CD38: variants seen among roughly 807,000 people sequenced by gnomAD.
The protein encoded by CD38 is CD38 molecule.
A neutral mutation model predicts 36.3 loss-of-function variants in CD38; 31 were observed. The observed-to-expected ratio is 0.85, with a 90% confidence interval of 0.64 to 1.15. The LOEUF is 1.15. Among genes scored for constraint, CD38 ranks in the 50% most tolerant of loss-of-function variants. CD38 has a pLI of 0.00. For synonymous variants in CD38, 131 were observed against 135.2 expected, an observed-to-expected ratio of 0.97 and a Z score of 0.22; for missense variants, 380 against 371.9, an observed-to-expected ratio of 1.02 and a Z score of -0.18.
intron 1 of CD38, among the ~76,000 whole-genome samples, chr4:15,780,520 A>T (rs112281150): frequency 0.023 from 123 of 5,314 alleles, no homozygotes; most frequent in Admixed American, 0.037. Flanking sequence ...TCTCTCTCTC[A>T]CACACACACA....
intron 2 of CD38, chr4:15,816,875 G>A: frequency 2.2e-6 from 1 of 446,786 alleles, no homozygotes; most frequent in African/African-American, 2.0e-5. Flanking sequence ...GATAGGAAAG[G>A]GGCTTTGGCC....
At chr4:15,790,502 CA>C (rs1443023420) in intron 1 of CD38, among the ~76,000 whole-genome samples, 4 of 152,060 alleles carry the variant, frequency 2.6e-5, no homozygotes, top group African/African-American at 9.7e-5. Flanking sequence ...GGCTGGAGTG[CA>C]GTGGCGTGAT....
At chr4:15,785,829 C>T (rs1014362537) in intron 1 of CD38, among the ~76,000 whole-genome samples, 5 of 152,152 alleles carry the variant, frequency 3.3e-5, no homozygotes, top group Non-Finnish European at 7.3e-5. Context: ...TGTGGACCCT[C>T]GTGGTGAGTG....
In CD38 at chr4:15,847,477, T is replaced by G. The variant is rs1577664190; in HGVS notation, c.840-1062T>G. Among the ~76,000 whole-genome samples, 5 of 92,776 alleles carry G rather than the reference T, an allele frequency of 5.4e-5. 1 individual carries two copies. The allele number at this position is 92,776 out of a possible 152,430, so 60.9% of individuals were successfully genotyped here. On this transcript the variant is annotated intron_variant, in intron 7 of 7. Transcript: ENST00000226279. ...TAATGCTAGATGACACATTAGTGGG[T>G]GCAGCGCACCAGCATGGCACATGTA... is the stretch of plus-strand genomic sequence containing the variant.
At chr4:15,801,484 C>A (rs1212440251) in intron 1 of CD38, among the ~76,000 whole-genome samples, 1 of 151,828 alleles carries the variant, frequency 6.6e-6, no homozygotes, top group Admixed American at 6.6e-5. Flanking sequence ...AAGGATACAA[C>A]AACAAAAAAA....
At chr4:15,847,325 C>T (rs1179770452) in intron 7 of CD38, among the ~76,000 whole-genome samples, 1 of 14,960 alleles carries the variant, frequency 6.7e-5, no homozygotes, top group Non-Finnish European at 1.1e-4. Context: ...AACCAAACAC[C>T]GCATATTCTC....
chr4:15,787,696 C>T (rs1430316076), intron 1 of CD38, among the ~76,000 whole-genome samples: 2 of 152,310 alleles, frequency 1.3e-5, no homozygotes, highest in East Asian at 1.9e-4. Context: ...CGGGTCTGCC[C>T]TGCAGACCCT....
chr4:15,837,467 A>AGGG (rs929852894), intron 4 of CD38, among the ~76,000 whole-genome samples: 1 of 152,170 alleles, frequency 6.6e-6, no homozygotes, highest in Non-Finnish European at 1.5e-5. Flanking sequence ...AGCTAGTCCC[A>AGGG]GGGGTTGGGG....
chr4:15,851,594 T>C lies in CD38; in HGVS notation c.*2992T>C, dbSNP rs1028853694. On this transcript the variant is annotated 3_prime_UTR_variant, in exon 8 of 8. Coordinates refer to ENST00000226279, the MANE Select transcript of CD38 (RefSeq NM_001775.4). Reference sequence around the variant, plus strand: ...CACCTTTTCAAATATAGTCCTTTGATTTCAGACTGAATACTTGAAAGGACA... The same window carrying C: ...CACCTTTTCAAATATAGTCCTTTGACTTCAGACTGAATACTTGAAAGGACA... The C allele has an allele frequency of 6.6e-6, 1 of 152,194 alleles. No homozygotes were observed. The highest frequency in any genetic ancestry group is 1.5e-5 in the Non-Finnish European group (1 of 68,042). The allele number at this position is 152,194 out of a possible 1,614,324, so 9.4% of individuals were successfully genotyped here.
chr4:15,822,995 T>C (rs975559895), intron 2 of CD38, among the ~76,000 whole-genome samples: 1 of 151,746 alleles, frequency 6.6e-6, no homozygotes, highest in Non-Finnish European at 1.5e-5. Context: ...CATAGACCAA[T>C]AGAACAGAGT....
Position 15,850,195 on chromosome 4 carries a change from A to T in CD38, c.*1593A>T, listed in dbSNP as rs1210806587. The T allele has an allele frequency of 6.6e-6, 1 of 152,220 alleles. No individual in the cohort carries two copies. The highest frequency in any genetic ancestry group is 1.9e-4 in the East Asian group (1 of 5,200). The allele number at this position is 152,220 out of a possible 1,614,324, so 9.4% of individuals were successfully genotyped here. The stretch of plus-strand genomic sequence containing the variant: ...GCACCTGTAGTCCCAGCTACTCTGG[A>T]GACTGAGGTGGGAGGATTGTTTGAG... On this transcript the variant is annotated 3_prime_UTR_variant, in exon 8 of 8. Coordinates refer to ENST00000226279, the MANE Select transcript of CD38 (RefSeq NM_001775.4).
chr4:15,836,597 A>G (rs1349078838), intron 4 of CD38, among the ~76,000 whole-genome samples: 2 of 152,234 alleles, frequency 1.3e-5, no homozygotes, highest in South Asian at 2.1e-4. Context: ...TAAGTGACTC[A>G]TCCAAGTTCC....
chr4:15,805,149 C>T (rs1723314186), intron 1 of CD38, among the ~76,000 whole-genome samples: 1 of 152,060 alleles, frequency 6.6e-6, no homozygotes, highest in Admixed American at 6.5e-5. Flanking sequence ...CAGATGTGTA[C>T]TAAAAATATT....
intron 1 of CD38, among the ~76,000 whole-genome samples, chr4:15,787,086 C>T (rs1722853662): frequency 6.6e-6 from 1 of 152,096 alleles, no homozygotes; most frequent in Admixed American, 6.5e-5. Context: ...GAGCGCCTCT[C>T]TCTCTACACC....
At chr4:15,793,281 A>C (rs988002577) in intron 1 of CD38, among the ~76,000 whole-genome samples, 28 of 152,028 alleles carry the variant, frequency 1.8e-4, no homozygotes, top group African/African-American at 6.0e-4. Flanking sequence ...CCAATGCTAG[A>C]AAATATATCC....
chr4:15,818,596 A>G (rs1723659193), intron 2 of CD38, among the ~76,000 whole-genome samples: 1 of 152,172 alleles, frequency 6.6e-6, no homozygotes, highest in African/African-American at 2.4e-5. Flanking sequence ...CACCTCATAC[A>G]GGAGAGCTCC....
At chr4:15,781,600 C>T (rs1303850648) in intron 1 of CD38, among the ~76,000 whole-genome samples, 2 of 152,158 alleles carry the variant, frequency 1.3e-5, no homozygotes, top group Non-Finnish European at 2.9e-5. Flanking sequence ...GGACCTTGGT[C>T]TTTCTCTTAA....
intron 3 of CD38, among the ~76,000 whole-genome samples, chr4:15,830,475 A>G (rs185211919): frequency 1.3e-5 from 2 of 152,206 alleles, no homozygotes; most frequent in Admixed American, 1.3e-4. Flanking sequence ...TGAATTACTT[A>G]TCTATTCTGG....
At chr4:15,840,655 A>C in intron 7 of CD38, 117 bp downstream of exon 7, 1 of 622,696 alleles carries the variant, frequency 1.6e-6, no homozygotes, top group Non-Finnish European at 2.8e-6. Context: ...GGCCTTGATG[A>C]TGATCACAGA....
Sources: allele counts gnomAD v4.1 joint callset (sites outside exome capture counted in the v4.1 genomes callset), GRCh38; gene constraint gnomAD v4.1.1; transcripts MANE v1.5; gene names NCBI Gene and HGNC (gene_info 2026-07-23, HGNC 2026-07-21).